Variants in RANBP3L observed in about 807,000 individuals in gnomAD.
The protein encoded by RANBP3L is ran-binding protein 3-like.
A neutral mutation model predicts 67.2 loss-of-function variants in RANBP3L; 56 were observed. The observed-to-expected ratio is 0.83, with a 90% CI of 0.67 to 1.04. RANBP3L has a LOEUF of 1.04. Among genes scored for constraint, RANBP3L ranks in the 50% least tolerant of loss-of-function variants. The pLI is 0.00. For missense variants in RANBP3L, 496 were observed against 535.5 expected, an observed-to-expected ratio of 0.93 and a Z score of 0.73; for synonymous variants, 164 against 181.4, an observed-to-expected ratio of 0.90 and a Z score of 0.77.
At chr5:36,292,227 A>G (rs1160281782) in intron 1 of RANBP3L, among the ~76,000 whole-genome samples, 77 of 151,966 alleles carry the variant, frequency 5.1e-4, no homozygotes, top group African/African-American at 1.8e-3. Context: ...CATGTCCTTC[A>G]CCCACTTTTT....
At chr5:36,253,812 T>G (rs746893176) in intron 11 of RANBP3L, 23 bp from the exon 12 acceptor site, 1 of 1,610,870 alleles carries the variant, frequency 6.2e-7, no homozygotes. Flanking sequence ...GGTGACTACA[T>G]CAGGCCACAG....
At chr5:36,293,796 G>A (rs1187418539) in intron 1 of RANBP3L, among the ~76,000 whole-genome samples, 3 of 147,940 alleles carry the variant, frequency 2.0e-5, no homozygotes, top group Admixed American at 1.4e-4. Context: ...TGCTGGATTC[G>A]GTTTGCCAGT....
intron 1 of RANBP3L, among the ~76,000 whole-genome samples, chr5:36,291,630 A>G (rs1309000270): frequency 1.3e-5 from 2 of 151,356 alleles, no homozygotes; most frequent in Admixed American, 6.6e-5. Flanking sequence ...ATTCCCACCT[A>G]TGAGTGAGAA....
chr5:36,296,533 G>A (rs186849042), intron 1 of RANBP3L, among the ~76,000 whole-genome samples: 20 of 152,102 alleles, frequency 1.3e-4, no homozygotes, highest in Non-Finnish European at 2.1e-4. Context: ...TAGATTTTAC[G>A]AGACAGCTGT....
At chr5:36,265,772 A>G (rs936379806) in intron 4 of RANBP3L, among the ~76,000 whole-genome samples, 8 of 152,142 alleles carry the variant, frequency 5.3e-5, no homozygotes, top group Admixed American at 4.6e-4. Flanking sequence ...CAGGAGTTCG[A>G]GACCAGCCTG....
chr5:36,278,411 A>G (rs1303077963), intron 1 of RANBP3L, among the ~76,000 whole-genome samples: 34 of 152,072 alleles, frequency 2.2e-4, no homozygotes, highest in Non-Finnish European at 2.9e-5. Context: ...CCCCCGACCT[A>G]CTAAGTCAGA....
intron 12 of RANBP3L, among the ~76,000 whole-genome samples, chr5:36,253,018 G>T (rs1018879864): frequency 6.6e-6 from 1 of 151,934 alleles, no homozygotes; most frequent in African/African-American, 2.4e-5. Context: ...AGGGGAGGTT[G>T]TGGTTTTGTT....
intron 1 of RANBP3L, among the ~76,000 whole-genome samples, chr5:36,287,359 T>G (rs983330011): frequency 6.6e-6 from 1 of 152,178 alleles, no homozygotes; most frequent in Non-Finnish European, 1.5e-5. Context: ...AATAAGCTCC[T>G]TGTGGGCAGG....
intron 4 of RANBP3L, among the ~76,000 whole-genome samples, chr5:36,267,122 G>A (rs7705209): frequency 0.86 from 130,864 of 152,118 alleles, 57,874 homozygotes; most frequent in Non-Finnish European, 0.97. Flanking sequence ...GACACTAAAA[G>A]GTGTCTCTTC....
At position 36,255,798 on chromosome 5, in the gene RANBP3L, A is replaced by C. The variant is rs1748932829; in HGVS notation, c.904-208T>G. 2.0e-5 allele frequency among the ~76,000 whole-genome samples: 3 copies of C among 152,112 alleles called. No homozygotes were observed. The South Asian group carries it at 6.2e-4, about 31-fold the overall frequency. On this transcript the variant is annotated intron_variant, in intron 10 of 13. Transcript: ENST00000296604. ...AACATCAAAAAGTAAAAAGACATAC[A>C]AAGTGAAAAGGGCCCCCAGCTTTTA...
intron 1 of RANBP3L, among the ~76,000 whole-genome samples, chr5:36,277,531 C>T (rs2111974970): frequency 6.7e-6 from 1 of 149,442 alleles, no homozygotes; most frequent in South Asian, 2.2e-4. Context: ...ACACCTACAG[C>T]TTCTTCTTCT....
intron 1 of RANBP3L, among the ~76,000 whole-genome samples, chr5:36,299,229 T>A (rs1392456): frequency 6.6e-6 from 1 of 151,832 alleles, no homozygotes; most frequent in Admixed American, 6.6e-5. Flanking sequence ...CAGCCTATTG[T>A]GGGACCTTGT....
At chr5:36,291,785 A>AAT (rs1751799070) in intron 1 of RANBP3L, among the ~76,000 whole-genome samples, 1 of 83,800 alleles carries the variant, frequency 1.2e-5, no homozygotes. Flanking sequence ...ACATTTTCTT[A>AAT]CCTCCAGTCT....
intron 1 of RANBP3L, among the ~76,000 whole-genome samples, chr5:36,284,429 C>G (rs912010898): frequency 5.3e-5 from 8 of 152,176 alleles, no homozygotes; most frequent in African/African-American, 1.9e-4. Flanking sequence ...AGGTGTGAAA[C>G]TTACCTTCCC....
intron 1 of RANBP3L, among the ~76,000 whole-genome samples, chr5:36,287,208 G>A (rs555309796): frequency 3.9e-5 from 6 of 152,290 alleles, no homozygotes; most frequent in East Asian, 1.9e-4. Flanking sequence ...GACAGGAGGC[G>A]GAGCTCAGGT....
At chr5:36,251,550 A>G (rs760762210) in intron 12 of RANBP3L, 51 bp from the exon 13 acceptor site, 1 of 1,398,828 alleles carries the variant, frequency 7.1e-7, no homozygotes, top group South Asian at 1.4e-5. Flanking sequence ...TGTTAGCTAC[A>G]TTTTACAGAT....
chr5:36,281,597 CT>C (rs1750975514), intron 1 of RANBP3L, among the ~76,000 whole-genome samples: 1 of 152,092 alleles, frequency 6.6e-6, no homozygotes, highest in African/African-American at 2.4e-5. Context: ...TTTCATGGTT[CT>C]GTATAAACCT....
At chr5:36,265,397 A>G in intron 5 of RANBP3L, 52 bp downstream of exon 5, 1 of 1,190,198 alleles carries the variant, frequency 8.4e-7, no homozygotes, top group Non-Finnish European at 1.2e-6. Flanking sequence ...AGATGAAAAT[A>G]TAGGTGGTAA....
chr5:36,298,129 G>A (rs569663568), intron 1 of RANBP3L, among the ~76,000 whole-genome samples: 14 of 151,540 alleles, frequency 9.2e-5, no homozygotes, highest in African/African-American at 3.2e-4. Flanking sequence ...TGAAACCCCC[G>A]TCTCTACTAA....
Sources: gnomAD v4.1 joint callset for allele counts (sites outside exome capture counted in the v4.1 genomes callset) on GRCh38, gnomAD v4.1.1 for gene constraint, MANE v1.5 for transcripts, NCBI Gene and HGNC (gene_info 2026-07-23, HGNC 2026-07-21) for gene names.